The following SLC24A3 variants were observed in gnomAD, a reference collection of about 807,000 sequenced individuals.
SLC24A3 encodes solute carrier family 24 member 3.
Under a neutral mutation model 75.8 loss-of-function variants are expected in SLC24A3, and 28 were observed. The ratio of observed to expected loss-of-function variants is 0.37; its 90% confidence interval spans 0.27 to 0.51. The LOEUF is 0.51. Among genes scored for constraint, SLC24A3 ranks in the 20% least tolerant of loss-of-function variants. The pLI, the probability that SLC24A3 is intolerant of heterozygous loss-of-function variation, is 0.94. For missense variants in SLC24A3, 663 were observed against 847.8 expected (o/e 0.78, Z 2.71); for synonymous variants, 372 against 334.1 (o/e 1.11, Z -1.24).
intron 1 of SLC24A3, among the ~76,000 whole-genome samples, chr20:19,271,949 A>G (rs1180619967): frequency 1.3e-5 from 2 of 152,184 alleles, no homozygotes; most frequent in African/African-American, 2.4e-5. Context: ...TGTAACCAAA[A>G]ACCTCCTATT....
Position 19,641,756 on chromosome 20 carries a change from G to A in SLC24A3, c.613-12306G>A, listed in dbSNP as rs536627495. Among the ~76,000 whole-genome samples, 17 of 152,298 alleles carry A rather than the reference G, an allele frequency of 1.1e-4. No individual in the cohort carries two copies. The East Asian group carries it at 1.2e-3, about 10-fold the overall frequency. On this transcript the variant is annotated intron_variant, in intron 6 of 16. Coordinates refer to ENST00000328041, the MANE Select transcript of SLC24A3 (RefSeq NM_020689.4). ...CTCAGCTAAATCAGAATCTCTAGGG[G>A]TGGGACCCAGGCATGAGTATTTCAT...
intron 2 of SLC24A3, among the ~76,000 whole-genome samples, chr20:19,320,937 G>T (rs1185532038): frequency 6.6e-6 from 1 of 151,978 alleles, no homozygotes; most frequent in African/African-American, 2.4e-5. Flanking sequence ...TACAGAATGT[G>T]TGTACATGTA....
chr20:19,278,092 T>A (rs1275682710), intron 1 of SLC24A3, among the ~76,000 whole-genome samples: 3 of 152,228 alleles, frequency 2.0e-5, no homozygotes, highest in Admixed American at 2.0e-4. Context: ...AGCACCTTCC[T>A]GTCATTGCCC....
intron 1 of SLC24A3, chr20:19,242,544 G>A (rs370665215): frequency 7.9e-5 from 12 of 152,148 alleles, no homozygotes; most frequent in South Asian, 2.1e-4. Context: ...GTTGTCGGTC[G>A]TCTCTAAATT....
At chr20:19,265,703 A>T (rs1983145834) in intron 1 of SLC24A3, 1 of 152,526 alleles carries the variant, frequency 6.6e-6, no homozygotes, top group Non-Finnish European at 1.5e-5. Flanking sequence ...GACCTTGCCT[A>T]TCTCTGTCCT....
At chr20:19,638,482 G>T (rs2032027803) in intron 6 of SLC24A3, among the ~76,000 whole-genome samples, 1 of 152,140 alleles carries the variant, frequency 6.6e-6, no homozygotes, top group African/African-American at 2.4e-5. Context: ...ATACCCACTT[G>T]AGGAACTCAT....
intron 2 of SLC24A3, among the ~76,000 whole-genome samples, chr20:19,428,897 T>C (rs886882180): frequency 2.0e-5 from 3 of 152,200 alleles, no homozygotes; most frequent in Admixed American, 6.5e-5. Flanking sequence ...ATATCCTTAC[T>C]TGCAAGTTGG....
chr20:19,375,209 C>T (rs910351935), intron 2 of SLC24A3, among the ~76,000 whole-genome samples: 1 of 152,202 alleles, frequency 6.6e-6, no homozygotes, highest in Non-Finnish European at 1.5e-5. Flanking sequence ...CAAATCCTGG[C>T]TTTTCTCATC....
At chr20:19,521,004 C>A (rs1364048899) in intron 3 of SLC24A3, among the ~76,000 whole-genome samples, 1 of 152,166 alleles carries the variant, frequency 6.6e-6, no homozygotes, top group Non-Finnish European at 1.5e-5. Flanking sequence ...AGGAGGGAGG[C>A]TAGTCACATC....
chr20:19,428,646 C>T lies in SLC24A3; in HGVS notation c.272-86842C>T, dbSNP rs139301717. Among the ~76,000 whole-genome samples the T allele has an allele frequency of 5.9e-5, 9 of 152,342 alleles. No homozygotes were observed. In the East Asian group the frequency reaches 1.7e-3, roughly 29 times the overall value. ...TGGGCAGGATATGGCATGGACCATC[C>T]TTAATCCTCATCGGGGAGGCAGAAG... On this transcript the variant is annotated intron_variant, in intron 2 of 16. Transcript: ENST00000328041.
At chr20:19,539,058 G>A (rs1416357952) in intron 3 of SLC24A3, among the ~76,000 whole-genome samples, 2 of 152,224 alleles carry the variant, frequency 1.3e-5, no homozygotes, top group African/African-American at 4.8e-5. Flanking sequence ...GGCAAAACTA[G>A]TCAGTGGTGA....
chr20:19,477,202 G>T (rs114493036), intron 2 of SLC24A3, among the ~76,000 whole-genome samples: 1 of 152,148 alleles, frequency 6.6e-6, no homozygotes, highest in Non-Finnish European at 1.5e-5. Context: ...AGATGGCAAC[G>T]AGGTGAGGAA....
chr20:19,515,693 C>A (rs2029974403), intron 3 of SLC24A3, 129 bp downstream of exon 3: 1 of 865,814 alleles, frequency 1.2e-6, no homozygotes, highest in Non-Finnish European at 1.8e-6. Context: ...GGTGGGGGTC[C>A]TTCGAGCTCT....
chr20:19,356,227 A>G (rs1253131359), intron 2 of SLC24A3, among the ~76,000 whole-genome samples: 1 of 152,252 alleles, frequency 6.6e-6, no homozygotes, highest in East Asian at 1.9e-4. Context: ...CACCTAAGAC[A>G]TAAACTGTTT....
chr20:19,214,733 G>A (rs6112258), intron 1 of SLC24A3, among the ~76,000 whole-genome samples: 62,886 of 152,020 alleles, frequency 0.41, 14,822 homozygotes, highest in East Asian at 0.77. Flanking sequence ...TGTCATTTTG[G>A]AATGGTTTCC....
intron 15 of SLC24A3, among the ~76,000 whole-genome samples, chr20:19,705,468 A>C (rs989428579): frequency 1.3e-5 from 2 of 152,222 alleles, no homozygotes; most frequent in African/African-American, 2.4e-5. Context: ...TCCCAGGTTC[A>C]TGAAAAAGCA....
chr20:19,570,618 A>T (rs537703284), intron 3 of SLC24A3, among the ~76,000 whole-genome samples: 2 of 152,326 alleles, frequency 1.3e-5, no homozygotes, highest in East Asian at 3.9e-4. Flanking sequence ...TTGTTAATAC[A>T]TTGGATAGAA....
intron 2 of SLC24A3, among the ~76,000 whole-genome samples, chr20:19,495,070 G>A (rs1988263066): frequency 6.6e-6 from 1 of 152,190 alleles, no homozygotes; most frequent in Non-Finnish European, 1.5e-5. Flanking sequence ...GTCCTGCCTT[G>A]AGGCAGGAGC....
intron 6 of SLC24A3, among the ~76,000 whole-genome samples, chr20:19,589,462 C>G (rs890932338): frequency 3.9e-5 from 6 of 152,166 alleles, no homozygotes; most frequent in Non-Finnish European, 8.8e-5. Flanking sequence ...GGAAAACCCC[C>G]AGGCAAAGAG....
Sources: gnomAD v4.1 joint callset for allele counts (sites outside exome capture counted in the v4.1 genomes callset) on GRCh38, gnomAD v4.1.1 for gene constraint, MANE v1.5 for transcripts, NCBI Gene and HGNC (gene_info 2026-07-23, HGNC 2026-07-21) for gene names.